Variants in PRKCA observed in about 807,000 individuals in gnomAD.
PRKCA encodes the protein protein kinase C alpha.
In PRKCA, 27 loss-of-function variants were observed where a neutral mutation model predicts 87.0. That is an observed-to-expected ratio of 0.31 (90% CI 0.23 to 0.43). The LOEUF (loss-of-function observed/expected upper bound fraction) is 0.43, where lower values mean the gene tolerates loss of function less well. Among genes scored for constraint, PRKCA ranks in the 20% least tolerant of loss-of-function variants. The pLI is 1.00. For synonymous variants in PRKCA, 329 were observed against 311.1 expected (o/e 1.06, Z -0.61); for missense variants, 518 against 852.3 (o/e 0.61, Z 4.88).
In PRKCA at chr17:66,698,992, A is replaced by G. The variant is rs150290795; in HGVS notation, c.918+9945A>G. On this transcript the variant is annotated intron_variant, in intron 8 of 16. Coordinates refer to ENST00000413366, the MANE Select transcript of PRKCA (RefSeq NM_002737.3). Reference sequence around the variant, plus strand: ...GAGACTGTCTTAAAAAAAAGAAAAAAAAAATGTCTGCAAACTTCCCAAGTT... The same window carrying G: ...GAGACTGTCTTAAAAAAAAGAAAAAGAAAATGTCTGCAAACTTCCCAAGTT... 7.2e-3 allele frequency among the ~76,000 whole-genome samples: 1,095 copies of G among 151,922 alleles called. 15 individuals carry two copies. Among genetic ancestry groups the G allele is most frequent in the African/African-American group, 0.023 (946 of 41,428 alleles).
At chr17:66,656,219 T>G (rs1210885613) in intron 5 of PRKCA, among the ~76,000 whole-genome samples, 4 of 152,184 alleles carry the variant, frequency 2.6e-5, no homozygotes, top group Non-Finnish European at 1.5e-5. Flanking sequence ...GGTGACATAG[T>G]TTCTCTTTCT....
At chr17:66,461,959 A>T (rs1914874704) in intron 2 of PRKCA, among the ~76,000 whole-genome samples, 4 of 151,854 alleles carry the variant, frequency 2.6e-5, no homozygotes, top group Admixed American at 2.6e-4. Flanking sequence ...ACTACCGAGC[A>T]TGCTTCTATG....
intron 3 of PRKCA, among the ~76,000 whole-genome samples, chr17:66,507,518 A>G (rs1917029863): frequency 1.3e-5 from 2 of 152,246 alleles, no homozygotes. Flanking sequence ...ATTTGGAATC[A>G]TACAATCCTG....
chr17:66,706,173 G>T (rs1973185757), intron 8 of PRKCA, among the ~76,000 whole-genome samples: 1 of 152,190 alleles, frequency 6.6e-6, no homozygotes, highest in South Asian at 2.1e-4. Context: ...TGCTGGTCAA[G>T]AAGATGAAAC....
chr17:66,354,808 C>A (rs1907957820), intron 2 of PRKCA, among the ~76,000 whole-genome samples: 1 of 151,726 alleles, frequency 6.6e-6, no homozygotes, highest in Admixed American at 6.6e-5. Context: ...CTTTTTTTTC[C>A]TCTGCAAAAG....
At chr17:66,724,166 C>T (rs921428875) in intron 8 of PRKCA, among the ~76,000 whole-genome samples, 4 of 152,108 alleles carry the variant, frequency 2.6e-5, no homozygotes, top group African/African-American at 9.7e-5. Context: ...GCTGCTGGTC[C>T]TAGGACCAGT....
In PRKCA at chr17:66,350,367, C is replaced by T. The variant is rs372575379; in HGVS notation, c.205+44240C>T. 1.4e-3 allele frequency among the ~76,000 whole-genome samples: 209 copies of T among 151,992 alleles called. 2 individuals are homozygous for T. Among genetic ancestry groups the T allele is most frequent in the African/African-American group, 4.6e-3 (191 of 41,474 alleles). The stretch of plus-strand genomic sequence containing the variant: ...AGCTGGGGTCTTTCATGTGGGTGTC[C>T]GTGGACCCACAGGAGACAGGGAGGG... On this transcript the variant is annotated intron_variant, in intron 2 of 16. Transcript: ENST00000413366.
chr17:66,683,033 C>G (rs1397590045), intron 5 of PRKCA, among the ~76,000 whole-genome samples: 1 of 152,156 alleles, frequency 6.6e-6, no homozygotes, highest in African/African-American at 2.4e-5. Flanking sequence ...AATTTTCTTT[C>G]AATCTCAGTT....
intron 3 of PRKCA, among the ~76,000 whole-genome samples, chr17:66,632,485 T>C (rs1383984989): frequency 6.6e-6 from 1 of 152,044 alleles, no homozygotes; most frequent in East Asian, 1.9e-4. Context: ...GCTCAAGCAG[T>C]CCTCCCACCT....
At chr17:66,698,819 C>CAAAAAA (rs59309576) in intron 8 of PRKCA, among the ~76,000 whole-genome samples, 1 of 102,794 alleles carries the variant, frequency 9.7e-6, no homozygotes, top group Non-Finnish European at 2.1e-5. Context: ...ACTAAAAATA[C>CAAAAAA]AAAAAAAAAA....
chr17:66,350,523 T>C (rs1401017630), intron 2 of PRKCA, among the ~76,000 whole-genome samples: 1 of 150,848 alleles, frequency 6.6e-6, no homozygotes, highest in Non-Finnish European at 1.5e-5. Context: ...AGTTTTATTA[T>C]TTTTTTTAAT....
chr17:66,399,800 G>A (rs1910911132), intron 2 of PRKCA, among the ~76,000 whole-genome samples: 1 of 152,064 alleles, frequency 6.6e-6, no homozygotes, highest in Non-Finnish European at 1.5e-5. Context: ...TTCCTTTTCA[G>A]GGCTGAATAA....
chr17:66,596,588 TTTTTA>T (rs1969986752), intron 3 of PRKCA, among the ~76,000 whole-genome samples: 1 of 149,058 alleles, frequency 6.7e-6, no homozygotes, highest in Non-Finnish European at 1.5e-5. Context: ...TTTTTTTTTT[TTTTTA>T]TTATACTCTA....
chr17:66,428,459 A>C (rs1912929702), intron 2 of PRKCA, among the ~76,000 whole-genome samples: 1 of 152,154 alleles, frequency 6.6e-6, no homozygotes, highest in Non-Finnish European at 1.5e-5. Flanking sequence ...ATTTCAAGAA[A>C]GTTGAAAAAG....
At chr17:66,391,601 TAGCCAA>T (rs1270683016) in intron 2 of PRKCA, among the ~76,000 whole-genome samples, 10 of 152,206 alleles carry the variant, frequency 6.6e-5, no homozygotes, top group Non-Finnish European at 1.5e-5. Flanking sequence ...GGTCACTTAG[TAGCCAA>T]AACCAAAACC....
intron 5 of PRKCA, among the ~76,000 whole-genome samples, chr17:66,646,404 C>T (rs1196343163): frequency 2.0e-5 from 3 of 152,170 alleles, no homozygotes; most frequent in Admixed American, 2.0e-4. Flanking sequence ...GGTACCATGA[C>T]CCACTCCATG....
chr17:66,559,586 C>T lies in PRKCA; in HGVS notation c.288+63303C>T, dbSNP rs56243333. On this transcript the variant is annotated intron_variant, in intron 3 of 16. Coordinates refer to ENST00000413366, the MANE Select transcript of PRKCA (RefSeq NM_002737.3). Reference sequence around the variant, plus strand: ...AGTTATTCATACAAAGACACGCAGCCGGTGAGTGACAGAGAGAAACTGTCC... The same window carrying T: ...AGTTATTCATACAAAGACACGCAGCTGGTGAGTGACAGAGAGAAACTGTCC... Among the ~76,000 whole-genome samples the T allele has an allele frequency of 9.9e-3, 1,493 of 151,304 alleles. 29 individuals are homozygous for T. Among genetic ancestry groups the T allele is most frequent in the African/African-American group, 0.034 (1,389 of 41,114 alleles).
chr17:66,398,050 C>G (rs893157633), intron 2 of PRKCA: 2 of 152,156 alleles, frequency 1.3e-5, no homozygotes, highest in African/African-American at 4.8e-5. Flanking sequence ...ATCCCTATGT[C>G]AATGTACATG....
chr17:66,735,484 CTCAGGTGA>C lies in PRKCA; in HGVS notation c.1057-3_1061del. The stretch of plus-strand genomic sequence containing the variant: ...GTGTTCAGGTTGTTCTTGACGTGTT[CTCAGGTGA>C]TGCTTGCCGACAGGAAGGGCACAGA... On this transcript the variant is annotated splice_acceptor_variant and splice_polypyrimidine_tract_variant and coding_sequence_variant and intron_variant, in exon 10 of 17. Coordinates refer to ENST00000413366, the MANE Select transcript of PRKCA (RefSeq NM_002737.3). LOFTEE classifies it high-confidence loss of function. 1 of 1,614,094 alleles carries C rather than the reference CTCAGGTGA, an allele frequency of 6.2e-7. No individual in the cohort carries two copies. Among genetic ancestry groups the C allele is most frequent in the Non-Finnish European group, 8.5e-7 (1 of 1,180,022 alleles).
Sources: gnomAD v4.1 joint callset for allele counts (sites outside exome capture counted in the v4.1 genomes callset) on GRCh38, gnomAD v4.1.1 for gene constraint, MANE v1.5 for transcripts, NCBI Gene and HGNC (gene_info 2026-07-23, HGNC 2026-07-21) for gene names.